The following SHISA9 variants were observed in gnomAD, a reference collection of about 807,000 sequenced individuals.
SHISA9 encodes protein shisa-9.
A neutral mutation model predicts 38.0 loss-of-function variants in SHISA9; 13 were observed. That is an observed-to-expected ratio of 0.34 (90% CI 0.22 to 0.54). The LOEUF is 0.54. SHISA9 is among the 20% of genes least tolerant of loss of function. The pLI is 0.91. For synonymous variants in SHISA9, 275 were observed against 242.0 expected, an observed-to-expected ratio of 1.14 and a Z score of -1.27; for missense variants, 538 against 575.8, an observed-to-expected ratio of 0.93 and a Z score of 0.67.
chr16:13,193,363 T>A (rs942923593), intron 2 of SHISA9, among the ~76,000 whole-genome samples: 1 of 152,202 alleles, frequency 6.6e-6, no homozygotes, highest in Non-Finnish European at 1.5e-5. Context: ...TTGGCCTTTT[T>A]ATTTTTTAGA....
chr16:13,524,986 G>A, the SHISA9 span, among the ~76,000 whole-genome samples: 1 of 152,146 alleles, frequency 6.6e-6, no homozygotes, highest in Non-Finnish European at 1.5e-5. Context: ...TCTCCTGGGT[G>A]GGGTGGTAGG....
intron 4 of SHISA9, among the ~76,000 whole-genome samples, chr16:13,222,349 A>T (rs896740647): frequency 2.6e-5 from 4 of 152,102 alleles, no homozygotes; most frequent in African/African-American, 9.7e-5. Flanking sequence ...GGTTCCTCCA[A>T]CCTTGTTGCA....
At chr16:13,229,326 A>T (rs1045869119) in intron 4 of SHISA9, among the ~76,000 whole-genome samples, 1 of 152,246 alleles carries the variant, frequency 6.6e-6, no homozygotes, top group African/African-American at 2.4e-5. Flanking sequence ...GATAAATGCC[A>T]CGGGAGGAGC....
the SHISA9 span, among the ~76,000 whole-genome samples, chr16:13,393,917 C>T: frequency 6.6e-6 from 1 of 152,146 alleles, no homozygotes; most frequent in African/African-American, 2.4e-5. Flanking sequence ...GTCATTGTTC[C>T]CATTCTTTCC....
At chr16:13,507,163 G>A in the SHISA9 span, among the ~76,000 whole-genome samples, 2 of 151,786 alleles carry the variant, frequency 1.3e-5, no homozygotes, top group Non-Finnish European at 2.9e-5. Context: ...GTTCTATAGG[G>A]TAGATCCAAC....
chr16:13,433,069 A>T, the SHISA9 span, among the ~76,000 whole-genome samples: 1 of 151,388 alleles, frequency 6.6e-6, no homozygotes, highest in Admixed American at 6.6e-5. Flanking sequence ...ACTTAAAATA[A>T]AAATTTTAAA....
chr16:13,209,540 TTC>T (rs2051098401), intron 3 of SHISA9, among the ~76,000 whole-genome samples: 1 of 152,214 alleles, frequency 6.6e-6, no homozygotes, highest in South Asian at 2.1e-4. Context: ...CAGAGAAATA[TTC>T]TGTTTCAATA....
intron 2 of SHISA9, among the ~76,000 whole-genome samples, chr16:13,185,327 A>G (rs2050811005): frequency 6.6e-6 from 1 of 152,124 alleles, no homozygotes; most frequent in Non-Finnish European, 1.5e-5. Context: ...TCAGTTTCCC[A>G]AGTAGCTGGG....
chr16:13,055,473 C>G (rs1400887276), intron 2 of SHISA9, among the ~76,000 whole-genome samples: 2 of 152,176 alleles, frequency 1.3e-5, no homozygotes, highest in Non-Finnish European at 2.9e-5. Context: ...GGCTCCTTCT[C>G]TCTATTTCTG....
intron 2 of SHISA9, among the ~76,000 whole-genome samples, chr16:13,150,039 A>AC (rs1196258965): frequency 4.8e-4 from 71 of 149,092 alleles, no homozygotes; most frequent in Non-Finnish European, 1.0e-3. Context: ...TTAAAAAAAA[A>AC]AAAAAAAAAA....
intron 2 of SHISA9, among the ~76,000 whole-genome samples, chr16:13,035,375 C>T (rs1378241986): frequency 6.6e-6 from 1 of 152,156 alleles, no homozygotes; most frequent in Non-Finnish European, 1.5e-5. Flanking sequence ...CTTTTTCACT[C>T]TATCAATCTT....
the SHISA9 span, among the ~76,000 whole-genome samples, chr16:13,348,972 C>A: frequency 6.6e-6 from 1 of 152,114 alleles, no homozygotes; most frequent in African/African-American, 2.4e-5. Flanking sequence ...AGAGTCATTT[C>A]CAAACACTGT....
At chr16:13,053,364 C>T (rs2073274554) in intron 2 of SHISA9, among the ~76,000 whole-genome samples, 1 of 152,182 alleles carries the variant, frequency 6.6e-6, no homozygotes, top group Non-Finnish European at 1.5e-5. Flanking sequence ...ATTTCCATTA[C>T]CTCCAGCATG....
At chr16:13,306,657 C>T in the SHISA9 span, among the ~76,000 whole-genome samples, 2 of 152,172 alleles carry the variant, frequency 1.3e-5, no homozygotes, top group Non-Finnish European at 2.9e-5. Context: ...CTGAAGGTCT[C>T]AGTTCCTCTC....
At chr16:13,526,898 A>G in the SHISA9 span, among the ~76,000 whole-genome samples, 1 of 152,186 alleles carries the variant, frequency 6.6e-6, no homozygotes, top group Admixed American at 6.5e-5. Context: ...AAGGAAGGAG[A>G]AAAAGTCCCC....
chr16:13,402,286 C>G, the SHISA9 span, among the ~76,000 whole-genome samples: 1 of 152,008 alleles, frequency 6.6e-6, no homozygotes, highest in Non-Finnish European at 1.5e-5. Context: ...CCAGGTGAGC[C>G]AATGGTAAAT....
chr16:13,550,141 C>T, the SHISA9 span, among the ~76,000 whole-genome samples: 2 of 152,124 alleles, frequency 1.3e-5, no homozygotes, highest in African/African-American at 2.4e-5. Flanking sequence ...GCAAAGCCCC[C>T]GAGGCAGGAG....
the SHISA9 span, among the ~76,000 whole-genome samples, chr16:13,437,220 T>A: frequency 6.6e-6 from 1 of 152,076 alleles, no homozygotes; most frequent in Non-Finnish European, 1.5e-5. Context: ...AAAAATGTCA[T>A]GGAAACATCT....
chr16:13,282,410 T>C, the SHISA9 span, among the ~76,000 whole-genome samples: 30 of 152,156 alleles, frequency 2.0e-4, no homozygotes, highest in African/African-American at 7.0e-4. Context: ...TGTTTTTATT[T>C]TCCTACTTTA....
Sources: allele counts gnomAD v4.1 joint callset (sites outside exome capture counted in the v4.1 genomes callset), GRCh38; gene constraint gnomAD v4.1.1; transcripts MANE v1.5; gene names NCBI Gene and HGNC (gene_info 2026-07-23, HGNC 2026-07-21).